The following OAT variants were observed in gnomAD, a reference collection of about 807,000 sequenced individuals.
The protein encoded by OAT is ornithine aminotransferase, mitochondrial.
A neutral mutation model predicts 48.4 loss-of-function variants in OAT; 35 were observed. That is an observed-to-expected ratio of 0.72 (90% CI 0.55 to 0.96). The LOEUF (loss-of-function observed/expected upper bound fraction) is 0.96. Among genes scored for constraint, OAT ranks in the 40% least tolerant of loss-of-function variants. The pLI is 0.00. For synonymous variants in OAT, 182 were observed against 198.4 expected (o/e 0.92, Z 0.70); for missense variants, 438 against 537.9 (o/e 0.81, Z 1.84).
chr10:124,414,175 C>A (rs549486104), intron 1 of OAT: 81 of 152,274 alleles, frequency 5.3e-4, no homozygotes, highest in African/African-American at 1.8e-3. Context: ...ACAAGTCAAA[C>A]CATGTATAAT....
At chr10:124,408,662 A>AT (rs762128012) in intron 3 of OAT, 25 bp from the exon 4 acceptor site, 1 of 1,599,658 alleles carries the variant, frequency 6.3e-7, no homozygotes, top group South Asian at 1.1e-5. Context: ...AAATGTTCAG[A>AT]TTTTTTTAAA....
chr10:124,407,452 G>A (rs1325934753), intron 4 of OAT: 2 of 985,202 alleles, frequency 2.0e-6, no homozygotes, highest in Non-Finnish European at 2.4e-6. Flanking sequence ...CACCATTTTT[G>A]TTTGCAAGAG....
In OAT at chr10:124,413,304, A is replaced by ACACG. The variant is rs1554868333; in HGVS notation, c.-29-1105_-29-1104insCGTG. Among the ~76,000 whole-genome samples the ACACG allele has an allele frequency of 3.0e-3, 419 of 140,382 alleles. 8 individuals are homozygous for ACACG. The highest frequency in any genetic ancestry group is 8.8e-3 in the East Asian group (44 of 4,986). The allele number at this position is 140,382 out of a possible 152,430, so 92.1% of individuals were successfully genotyped here. On this transcript the variant is annotated intron_variant, in intron 1 of 9. Coordinates refer to ENST00000368845, the MANE Select transcript of OAT (RefSeq NM_000274.4). ...CACACACACACACACACACACACACACACACATATATGAGATTCCCAAACA... is the reference window on the plus strand; with the variant it reads ...CACACACACACACACACACACACACACACGCACACATATATGAGATTCCCAAACA...
At chr10:124,413,939 ATCC>A (rs1324313860) in intron 1 of OAT, among the ~76,000 whole-genome samples, 3 of 151,928 alleles carry the variant, frequency 2.0e-5, no homozygotes, top group African/African-American at 7.3e-5. Context: ...ACCATTAAGC[ATCC>A]TGATAAGCCA....
intron 9 of OAT, 133 bp downstream of exon 9, chr10:124,400,707 G>A (rs908185991): frequency 7.5e-5 from 49 of 652,568 alleles, no homozygotes; most frequent in Non-Finnish European, 1.0e-4. Flanking sequence ...CCAAGATTGC[G>A]CCACGGCACT....
At chr10:124,418,680 G>C (rs985993860) in intron 1 of OAT, among the ~76,000 whole-genome samples, 193 bp downstream of exon 1, 1 of 141,718 alleles carries the variant, frequency 7.1e-6, no homozygotes, top group Non-Finnish European at 1.5e-5. Context: ...GCCCGGGTCC[G>C]AGCCGCCCGC....
chr10:124,411,731 G>A (rs1053825035), intron 2 of OAT, among the ~76,000 whole-genome samples: 5 of 151,162 alleles, frequency 3.3e-5, no homozygotes, highest in Non-Finnish European at 5.9e-5. Flanking sequence ...CAGAAGAATC[G>A]CTTGAACCTG....
intron 4 of OAT, chr10:124,407,305 T>C (rs1564734975): frequency 1.0e-6 from 1 of 985,356 alleles, no homozygotes; most frequent in Non-Finnish European, 1.2e-6. Context: ...GGACTTACAG[T>C]TAGGGACAGT....
chr10:124,399,338 C>T (rs7914929), intron 9 of OAT, among the ~76,000 whole-genome samples: 3,944 of 58,644 alleles, frequency 0.067, 264 homozygotes, highest in African/African-American at 0.11. Context: ...CCAGGTGATT[C>T]TTTTTTTTTT....
intron 2 of OAT, among the ~76,000 whole-genome samples, chr10:124,409,659 A>G (rs573406131): frequency 1.8e-4 from 28 of 152,342 alleles, no homozygotes; most frequent in African/African-American, 6.3e-4. Context: ...GGATGGAAAA[A>G]AAATATTTGT....
chr10:124,413,837 A>G (rs1951835138), intron 1 of OAT, among the ~76,000 whole-genome samples: 5 of 152,106 alleles, frequency 3.3e-5, no homozygotes, highest in Admixed American at 3.3e-4. Context: ...GCCCCATCAC[A>G]TAAGTCAGAG....
intron 9 of OAT, among the ~76,000 whole-genome samples, chr10:124,400,058 C>T (rs1169523287): frequency 1.3e-5 from 2 of 152,186 alleles, no homozygotes; most frequent in Non-Finnish European, 2.9e-5. Context: ...ATTTTTTATA[C>T]TCTTAATATA....
In OAT at chr10:124,403,851, C is replaced by T. The variant is rs777488833; in HGVS notation, c.718G>A (p.Val240Ile). The part of the protein sequence containing the change: ...EPIQGEAGVV[V>I]PDPGYLMGVR... The stretch of plus-strand genomic sequence containing the variant: ...CCCATTAGGTAACCTGGATCCGGAA[C>T]AACAACGCCTGCTTCACCCTGAATT... Residue 240 changes from valine (V) to isoleucine (I), a missense_variant, in exon 6 of 10, where the codon GTT becomes ATT. Physicochemically the swap from Val to Ile is conservative, Grantham distance 29. Transcript: ENST00000368845. 4.3e-6 allele frequency: 7 copies of T among 1,614,050 alleles called. No homozygotes were observed. Among genetic ancestry groups the T allele is most frequent in the Non-Finnish European group, 5.9e-6 (7 of 1,180,018 alleles).
intron 9 of OAT, among the ~76,000 whole-genome samples, chr10:124,399,391 G>C (rs2134445296): frequency 7.0e-6 from 1 of 141,858 alleles, no homozygotes. Context: ...TGCCGCCCAG[G>C]CTGGAGTGCA....
intron 5 of OAT, among the ~76,000 whole-genome samples, chr10:124,404,380 G>C (rs1324217525): frequency 6.6e-6 from 1 of 151,258 alleles, no homozygotes; most frequent in African/African-American, 2.4e-5. Context: ...CAATTCTCCT[G>C]CCTCAGCCTC....
rs1039286311 is a variant in OAT at position 124,408,290 on chromosome 10, T to A, written c.520+252A>T. On this transcript the variant is annotated intron_variant, in intron 4 of 9. Transcript: ENST00000368845. ...TTTATATATAAAATATATAAGTGTG[T>A]GTGTGTGTGTGTGTGTGTGTGTGTG... Among the ~76,000 whole-genome samples, 3 of 21,982 alleles carry A rather than the reference T, an allele frequency of 1.4e-4. No individual in the cohort carries two copies. The East Asian group carries it at 3.0e-3, about 22-fold the overall frequency. The allele number at this position is 21,982 out of a possible 152,430, so 14.4% of individuals were successfully genotyped here.
intron 1 of OAT, among the ~76,000 whole-genome samples, chr10:124,416,501 T>C (rs1951921263): frequency 6.6e-6 from 1 of 152,222 alleles, no homozygotes. Context: ...GCAGCTATCA[T>C]GCATCTACCT....
chr10:124,403,290 T>C (rs1951468003), intron 6 of OAT: 4 of 582,288 alleles, frequency 6.9e-6, no homozygotes, highest in Non-Finnish European at 1.2e-5. Context: ...CATTCTGCCC[T>C]GCTCTACATA....
At chr10:124,417,283 CTTTTT>C (rs59171918) in intron 1 of OAT, among the ~76,000 whole-genome samples, 2 of 87,046 alleles carry the variant, frequency 2.3e-5, no homozygotes, top group Non-Finnish European at 2.2e-5. Context: ...AAACTATAAG[CTTTTT>C]TTTTTTTTTT....
Sources: gnomAD v4.1 joint callset for allele counts (sites outside exome capture counted in the v4.1 genomes callset) on GRCh38, gnomAD v4.1.1 for gene constraint, MANE v1.5 for transcripts, NCBI Gene and HGNC (gene_info 2026-07-23, HGNC 2026-07-21) for gene names.